Variants in EPHA6 observed in about 807,000 individuals in gnomAD.
EPHA6 encodes the protein ephrin type-A receptor 6.
Under a neutral mutation model 112.0 loss-of-function variants are expected in EPHA6, and 50 were observed. The ratio of observed to expected loss-of-function variants is 0.45; its 90% CI spans 0.36 to 0.56. The LOEUF is 0.56. Among genes scored for constraint, EPHA6 ranks in the 20% least tolerant of loss-of-function variants. EPHA6 has a pLI of 0.00. For missense variants in EPHA6, 1,280 were observed against 1,417.4 expected (o/e 0.90, Z 1.56); for synonymous variants, 529 against 490.7 (o/e 1.08, Z -1.03).
chr3:97,064,506 T>C (rs1042290454), intron 3 of EPHA6, among the ~76,000 whole-genome samples: 2 of 152,192 alleles, frequency 1.3e-5, no homozygotes, highest in African/African-American at 4.8e-5. Flanking sequence ...CTTCAAGAGA[T>C]CAGAGACTAT....
At chr3:96,835,756 C>A (rs1452498581) in intron 1 of EPHA6, among the ~76,000 whole-genome samples, 1 of 151,980 alleles carries the variant, frequency 6.6e-6, no homozygotes, top group Non-Finnish European at 1.5e-5. Context: ...ACAAGACTTG[C>A]AATGAATTTT....
chr3:97,592,776 G>A, intron 12 of EPHA6, 39 bp downstream of exon 12: 1 of 1,530,216 alleles, frequency 6.5e-7, no homozygotes, highest in Non-Finnish European at 8.7e-7. Flanking sequence ...ACCATATACA[G>A]CAGTAGGATT....
chr3:97,020,233 G>A (rs1284898465), intron 3 of EPHA6, among the ~76,000 whole-genome samples: 1 of 152,174 alleles, frequency 6.6e-6, no homozygotes, highest in African/African-American at 2.4e-5. Context: ...TTCCTGCCAT[G>A]TGCAGGCTAG....
intron 3 of EPHA6, among the ~76,000 whole-genome samples, chr3:97,194,736 C>T (rs1478202262): frequency 1.3e-5 from 2 of 151,970 alleles, no homozygotes; most frequent in Non-Finnish European, 2.9e-5. Flanking sequence ...CTTTATTTAT[C>T]TGGGTGCTCC....
rs1021778757 is a variant in EPHA6 at position 97,033,902 on chromosome 3, C to T, written c.1114+45909C>T. Among the ~76,000 whole-genome samples the T allele has an allele frequency of 6.6e-5, 10 of 151,992 alleles. No individual in the cohort carries two copies. In the East Asian group the frequency reaches 1.2e-3, roughly 18 times the overall value. On this transcript the variant is annotated intron_variant, in intron 3 of 17. Coordinates refer to ENST00000389672, the MANE Select transcript of EPHA6 (RefSeq NM_001080448.3). ...TGATATAGAAAAGGATACATCAGGC[C>T]GTTGTGGTTTTAGAAATCAAACAAT...
At chr3:96,820,404 C>T (rs976676652) in intron 1 of EPHA6, among the ~76,000 whole-genome samples, 1 of 151,366 alleles carries the variant, frequency 6.6e-6, no homozygotes, top group Non-Finnish European at 1.5e-5. Flanking sequence ...TGCAGTTGTC[C>T]GGGCAAGATG....
chr3:97,198,890 C>T (rs138656129), intron 3 of EPHA6, among the ~76,000 whole-genome samples: 2 of 152,192 alleles, frequency 1.3e-5, no homozygotes, highest in Non-Finnish European at 2.9e-5. Context: ...ATATAATTGC[C>T]TTCCATGATG....
rs536710105 is a variant in EPHA6 at position 97,542,947 on chromosome 3, A to T, written c.2386+10404A>T. Among the ~76,000 whole-genome samples, 14 of 151,468 alleles carry T rather than the reference A, an allele frequency of 9.2e-5. 1 individual carries two copies. In the South Asian group the frequency reaches 2.9e-3, roughly 32 times the overall value. Reference sequence around the variant, plus strand: ...GCCCACTTTTTGATGGGGTTGTTTGATTTTTTCTTGTAAATTTGTTTGAGT... The same window carrying T: ...GCCCACTTTTTGATGGGGTTGTTTGTTTTTTTCTTGTAAATTTGTTTGAGT... On this transcript the variant is annotated intron_variant, in intron 11 of 17. Transcript: ENST00000389672.
At chr3:97,179,758 TC>T (rs2076937380) in intron 3 of EPHA6, among the ~76,000 whole-genome samples, 34 of 145,954 alleles carry the variant, frequency 2.3e-4, no homozygotes, top group Admixed American at 1.7e-3. Context: ...TCTCTCTCTC[TC>T]TCCTGAACCA....
At chr3:96,872,642 T>C (rs2036696885) in intron 2 of EPHA6, among the ~76,000 whole-genome samples, 1 of 152,080 alleles carries the variant, frequency 6.6e-6, no homozygotes, top group South Asian at 2.1e-4. Flanking sequence ...CTAAATACTT[T>C]AAATATTTCA....
chr3:97,494,147 T>C (rs1286561690), intron 10 of EPHA6, among the ~76,000 whole-genome samples: 1 of 152,196 alleles, frequency 6.6e-6, no homozygotes, highest in Non-Finnish European at 1.5e-5. Context: ...GTATTTGACA[T>C]TTTATCACAA....
intron 14 of EPHA6, among the ~76,000 whole-genome samples, chr3:97,689,113 TC>T (rs1200487073): frequency 6.6e-6 from 1 of 152,214 alleles, no homozygotes; most frequent in Non-Finnish European, 1.5e-5. Flanking sequence ...GTTATAGATA[TC>T]AGATATTATG....
intron 3 of EPHA6, among the ~76,000 whole-genome samples, chr3:97,071,477 T>C (rs1047416388): frequency 2.6e-5 from 4 of 152,006 alleles, no homozygotes; most frequent in African/African-American, 4.8e-5. Flanking sequence ...CTCAGAATCA[T>C]GGCGGAAGGT....
At chr3:97,060,880 C>T (rs949687869) in intron 3 of EPHA6, among the ~76,000 whole-genome samples, 1 of 141,186 alleles carries the variant, frequency 7.1e-6, no homozygotes, top group Non-Finnish European at 1.5e-5. Flanking sequence ...GCCGAGATTG[C>T]GCCTCTGCAT....
intron 1 of EPHA6, among the ~76,000 whole-genome samples, chr3:96,835,082 G>A (rs2034322372): frequency 6.6e-6 from 1 of 151,936 alleles, no homozygotes; most frequent in Admixed American, 6.6e-5. Context: ...TGAGTAATTT[G>A]CTCAAGGTCA....
chr3:97,405,341 G>A (rs1487254757), intron 6 of EPHA6, 67 bp downstream of exon 6: 2 of 1,342,982 alleles, frequency 1.5e-6, no homozygotes, highest in Middle Eastern at 3.8e-4. Flanking sequence ...TATTGAGCAT[G>A]TCGTTATACT....
chr3:97,708,687 G>A (rs2033807683), intron 14 of EPHA6, among the ~76,000 whole-genome samples: 1 of 152,224 alleles, frequency 6.6e-6, no homozygotes, highest in South Asian at 2.1e-4. Flanking sequence ...CCCAACACAG[G>A]CCTGGAGGCC....
At chr3:97,142,416 T>C (rs1435835234) in intron 3 of EPHA6, among the ~76,000 whole-genome samples, 2 of 151,886 alleles carry the variant, frequency 1.3e-5, no homozygotes, top group Admixed American at 6.6e-5. Flanking sequence ...ATAAGCAAAA[T>C]TGATAGACTG....
chr3:97,543,232 A>G (rs2092892581), intron 11 of EPHA6, among the ~76,000 whole-genome samples: 1 of 152,190 alleles, frequency 6.6e-6, no homozygotes, highest in African/African-American at 2.4e-5. Flanking sequence ...TTTTAGGTCT[A>G]CCATTTAAGC....
Sources: allele counts gnomAD v4.1 joint callset (sites outside exome capture counted in the v4.1 genomes callset), GRCh38; gene constraint gnomAD v4.1.1; transcripts MANE v1.5; gene names NCBI Gene and HGNC (gene_info 2026-07-23, HGNC 2026-07-21).